The following OPCML variants were observed in gnomAD, a reference collection of about 807,000 sequenced individuals.
OPCML encodes opioid binding protein/cell adhesion molecule like.
A neutral mutation model predicts 37.8 loss-of-function variants in OPCML; 13 were observed. The ratio of observed to expected loss-of-function variants is 0.34; its 90% CI spans 0.22 to 0.55. The LOEUF is 0.55. Ranked by LOEUF, OPCML falls within the 20% of genes least tolerant of loss-of-function variation. The pLI is 0.91. For synonymous variants in OPCML, 176 were observed against 168.8 expected, an observed-to-expected ratio of 1.04 and a Z score of -0.33; for missense variants, 341 against 435.6, an observed-to-expected ratio of 0.78 and a Z score of 1.93.
rs185269118 is a variant in OPCML, at chr11:133,414,719, G to A, written c.61+117545C>T. ...AACAGCTTGGATTCACAAATCCCCC[G>A]TTCCCAGCTCTTCCCTGCCACATCA... On this transcript the variant is annotated intron_variant, in intron 1 of 7. Transcript: ENST00000524381. Among the ~76,000 whole-genome samples, 314 of 152,122 alleles carry A rather than the reference G, an allele frequency of 2.1e-3. 1 individual carries two copies. Among genetic ancestry groups the A allele is most frequent in the African/African-American group, 7.2e-3 (298 of 41,500 alleles).
intron 1 of OPCML, among the ~76,000 whole-genome samples, chr11:133,258,468 C>A (rs901674156): frequency 1.3e-5 from 2 of 152,124 alleles, no homozygotes; most frequent in Non-Finnish European, 2.9e-5. Context: ...CACAGTCTCT[C>A]TTCATCACCT....
chr11:132,532,956 G>A (rs951787723), intron 3 of OPCML, among the ~76,000 whole-genome samples: 1 of 152,186 alleles, frequency 6.6e-6, no homozygotes, highest in African/African-American at 2.4e-5. Context: ...TAGCTTTTAA[G>A]TGCTTCTCCG....
intron 2 of OPCML, among the ~76,000 whole-genome samples, chr11:132,695,951 A>C (rs1943584745): frequency 6.6e-6 from 1 of 152,278 alleles, no homozygotes; most frequent in African/African-American, 2.4e-5. Flanking sequence ...GAGGGCAGAA[A>C]TGAGCAGTGG....
chr11:133,033,919 A>G (rs1947719104), intron 1 of OPCML, among the ~76,000 whole-genome samples: 2 of 152,240 alleles, frequency 1.3e-5, no homozygotes, highest in South Asian at 4.1e-4. Flanking sequence ...AGTAATTTGT[A>G]CAGGGCCAAC....
chr11:133,373,289 G>A (rs903439264), intron 1 of OPCML, among the ~76,000 whole-genome samples: 3 of 151,584 alleles, frequency 2.0e-5, no homozygotes, highest in East Asian at 1.9e-4. Flanking sequence ...GTGGCCAGCC[G>A]CAGGGGCTCA....
At chr11:133,101,616 T>G (rs1170158296) in intron 1 of OPCML, among the ~76,000 whole-genome samples, 1 of 152,206 alleles carries the variant, frequency 6.6e-6, no homozygotes, top group Non-Finnish European at 1.5e-5. Flanking sequence ...TATTTATTGC[T>G]GGTTGGAATG....
At chr11:133,402,207 G>C (rs765411040) in intron 1 of OPCML, among the ~76,000 whole-genome samples, 12 of 151,970 alleles carry the variant, frequency 7.9e-5, no homozygotes, top group South Asian at 4.2e-4. Flanking sequence ...GGCATCACAG[G>C]GTGGGGGATA....
chr11:133,078,036 T>A (rs528433912), intron 1 of OPCML, among the ~76,000 whole-genome samples: 1 of 152,312 alleles, frequency 6.6e-6, no homozygotes, highest in East Asian at 1.9e-4. Context: ...ATTACATTGC[T>A]ATGACCTAGC....
rs1300588929 is a variant in OPCML, at chr11:132,419,502, T to C, written c.*691A>G. On this transcript the variant is annotated 3_prime_UTR_variant, in exon 8 of 8. Transcript: ENST00000524381. The stretch of plus-strand genomic sequence containing the variant: ...AAATGCCTCCCCCTTTTTTGGTTAC[T>C]TGACTTGCAAAATTTAGTGTTGGGT... 6.6e-6 allele frequency: 1 copy of C among 152,182 alleles called. No homozygotes were observed. The highest frequency in any genetic ancestry group is 1.5e-5 in the Non-Finnish European group (1 of 68,034). 9.4% of individuals were successfully genotyped at this position (152,182 alleles called of 1,614,324 possible).
chr11:133,394,757 T>C (rs558333614), intron 1 of OPCML, among the ~76,000 whole-genome samples: 26 of 152,354 alleles, frequency 1.7e-4, no homozygotes, highest in African/African-American at 6.3e-4. Flanking sequence ...ATGTACTACA[T>C]TTTCTTCATT....
intron 2 of OPCML, among the ~76,000 whole-genome samples, chr11:132,810,628 T>C (rs973318165): frequency 1.2e-4 from 19 of 152,072 alleles, no homozygotes; most frequent in African/African-American, 3.4e-4. Flanking sequence ...GAGGTGGAGA[T>C]TGCAGTGAGC....
intron 1 of OPCML, among the ~76,000 whole-genome samples, chr11:133,265,038 C>A (rs532183856): frequency 3.9e-5 from 6 of 152,074 alleles, no homozygotes; most frequent in Non-Finnish European, 7.3e-5. Context: ...TGACTCGCTG[C>A]GCCGTGGGAA....
At chr11:132,473,751 A>T (rs1161914624) in intron 4 of OPCML, among the ~76,000 whole-genome samples, 1 of 152,108 alleles carries the variant, frequency 6.6e-6, no homozygotes, top group Non-Finnish European at 1.5e-5. Context: ...ACTTGAGCCC[A>T]GGAGATCGAG....
At chr11:132,940,073 C>T (rs371618452) in intron 2 of OPCML, among the ~76,000 whole-genome samples, 8 of 152,148 alleles carry the variant, frequency 5.3e-5, no homozygotes, top group Non-Finnish European at 8.8e-5. Context: ...TTACAGAAAA[C>T]GAGTTTCATC....
At chr11:132,723,634 C>T (rs1944760315) in intron 2 of OPCML, among the ~76,000 whole-genome samples, 1 of 152,160 alleles carries the variant, frequency 6.6e-6, no homozygotes, top group Non-Finnish European at 1.5e-5. Context: ...AATCCATCTG[C>T]TTTATCTTCC....
chr11:132,897,799 G>A (rs1943905349), intron 2 of OPCML, among the ~76,000 whole-genome samples: 1 of 152,204 alleles, frequency 6.6e-6, no homozygotes, highest in African/African-American at 2.4e-5. Flanking sequence ...AGGCTGGATG[G>A]TCAGGGACTT....
At chr11:132,953,942 G>A (rs1005089143) in intron 1 of OPCML, among the ~76,000 whole-genome samples, 17 of 152,210 alleles carry the variant, frequency 1.1e-4, no homozygotes, top group South Asian at 6.2e-4. Flanking sequence ...TGCTCCTTAC[G>A]GGGCTGTACC....
chr11:133,305,231 T>A (rs899736210), intron 1 of OPCML, among the ~76,000 whole-genome samples: 1 of 152,174 alleles, frequency 6.6e-6, no homozygotes, highest in African/African-American at 2.4e-5. Context: ...CTTAGAGGGA[T>A]GTAATGAACA....
chr11:132,677,673 A>G (rs1214188335), intron 2 of OPCML, among the ~76,000 whole-genome samples: 1 of 152,162 alleles, frequency 6.6e-6, no homozygotes, highest in Non-Finnish European at 1.5e-5. Flanking sequence ...TTTTCAACAA[A>G]TGCAACTGGT....
Sources: gnomAD v4.1 joint callset for allele counts (sites outside exome capture counted in the v4.1 genomes callset) on GRCh38, gnomAD v4.1.1 for gene constraint, MANE v1.5 for transcripts, NCBI Gene and HGNC (gene_info 2026-07-23, HGNC 2026-07-21) for gene names.